Variants in KCMF1 observed in about 807,000 individuals in gnomAD.
KCMF1 encodes E3 ubiquitin-protein ligase KCMF1.
A neutral mutation model predicts 41.1 loss-of-function variants in KCMF1; 3 were observed. That is an observed-to-expected ratio of 0.07 (90% CI 0.03 to 0.19). KCMF1 has a LOEUF of 0.19. Ranked by LOEUF, KCMF1 falls within the 10% of genes least tolerant of loss-of-function variation. The pLI is 1.00. For missense variants in KCMF1, 286 were observed against 488.9 expected (o/e 0.58, Z 3.91); for synonymous variants, 142 against 164.5 (o/e 0.86, Z 1.04).
At chr2:85,021,134 T>C (rs1328086241) in intron 1 of KCMF1, among the ~76,000 whole-genome samples, 7 of 152,196 alleles carry the variant, frequency 4.6e-5, no homozygotes, top group Non-Finnish European at 2.9e-5. Context: ...CTAAAACATA[T>C]TACATATTAG....
chr2:85,049,839 T>C (rs1675766076), intron 6 of KCMF1, among the ~76,000 whole-genome samples, 191 bp downstream of exon 6: 1 of 152,164 alleles, frequency 6.6e-6, no homozygotes, highest in Non-Finnish European at 1.5e-5. Context: ...TTATTTTAGA[T>C]AAATTAAGAA....
chr2:85,030,118 T>G (rs1166736932), intron 2 of KCMF1, among the ~76,000 whole-genome samples: 3 of 152,216 alleles, frequency 2.0e-5, no homozygotes. Flanking sequence ...CATCTTTTCT[T>G]GTGCTTATGG....
chr2:84,977,780 A>G, intron 1 of KCMF1, among the ~76,000 whole-genome samples: 1 of 152,192 alleles, frequency 6.6e-6, no homozygotes, highest in Admixed American at 6.6e-5. Context: ...TAGAGAATAT[A>G]TAAGAATGTA....
intron 1 of KCMF1, among the ~76,000 whole-genome samples, chr2:84,973,286 G>T (rs569572009): frequency 6.6e-6 from 1 of 152,290 alleles, no homozygotes; most frequent in African/African-American, 2.4e-5. Context: ...CACCCCCAGT[G>T]CTCTGTTAGA....
At chr2:85,042,023 T>C (rs955863461) in intron 3 of KCMF1, among the ~76,000 whole-genome samples, 1 of 152,240 alleles carries the variant, frequency 6.6e-6, no homozygotes, top group African/African-American at 2.4e-5. Context: ...GCTACTTTTC[T>C]GACAGAGGAA....
At chr2:85,039,760 C>A (rs1675481260) in intron 3 of KCMF1, among the ~76,000 whole-genome samples, 1 of 152,028 alleles carries the variant, frequency 6.6e-6, no homozygotes, top group Non-Finnish European at 1.5e-5. Flanking sequence ...GAAACTCGAG[C>A]AACAGCAGAG....
At chr2:85,049,702 A>G (rs1189688130) in intron 6 of KCMF1, 54 bp downstream of exon 6, 14 of 1,376,884 alleles carry the variant, frequency 1.0e-5, no homozygotes, top group Middle Eastern at 1.8e-4. Context: ...TATTGCCACT[A>G]CAGTCTGGAA....
chr2:85,021,603 CAG>C (rs1259470799), intron 1 of KCMF1, among the ~76,000 whole-genome samples: 3 of 150,016 alleles, frequency 2.0e-5, no homozygotes, highest in African/African-American at 7.4e-5. Context: ...GCCTGGGCAA[CAG>C]AGCGAGACTG....
At chr2:85,011,672 G>T (rs1404122307) in intron 1 of KCMF1, among the ~76,000 whole-genome samples, 1 of 152,170 alleles carries the variant, frequency 6.6e-6, no homozygotes, top group Non-Finnish European at 1.5e-5. Flanking sequence ...CTGCCAGAAA[G>T]ATGCTGACCT....
chr2:84,987,218 A>G lies in KCMF1; in HGVS notation c.16+15751A>G, dbSNP rs117867169. Among the ~76,000 whole-genome samples, 138 of 152,370 alleles carry G rather than the reference A, an allele frequency of 9.1e-4. 3 individuals are homozygous for G. In the East Asian group the frequency reaches 0.026, roughly 29 times the overall value. ...GGTCAGTCTTGTTCTTTTCCCATACAGATTGTGGGACAGAGGAAGGAGTAG... is the reference window on the plus strand; with the variant it reads ...GGTCAGTCTTGTTCTTTTCCCATACGGATTGTGGGACAGAGGAAGGAGTAG... On this transcript the variant is annotated intron_variant, in intron 1 of 6. Transcript: ENST00000409785.
At chr2:85,036,950 C>T (rs368077951) in intron 3 of KCMF1, among the ~76,000 whole-genome samples, 13 of 151,710 alleles carry the variant, frequency 8.6e-5, no homozygotes, top group African/African-American at 3.1e-4. Context: ...CAAGGCAACT[C>T]CTCAGTTTTC....
chr2:84,989,800 G>T, intron 1 of KCMF1, among the ~76,000 whole-genome samples: 1 of 152,196 alleles, frequency 6.6e-6, no homozygotes, highest in East Asian at 1.9e-4. Context: ...GTTTTGGCAT[G>T]TTAGGTTTGA....
intron 6 of KCMF1, among the ~76,000 whole-genome samples, chr2:85,050,986 G>T (rs944535211): frequency 4.6e-5 from 7 of 152,164 alleles, no homozygotes; most frequent in African/African-American, 1.4e-4. Flanking sequence ...TATCCCAGAA[G>T]TTTTGCCTTT....
At chr2:85,003,757 C>G (rs1255767869) in intron 1 of KCMF1, among the ~76,000 whole-genome samples, 1 of 151,962 alleles carries the variant, frequency 6.6e-6, no homozygotes, top group Non-Finnish European at 1.5e-5. Flanking sequence ...TTCTAAGTCA[C>G]TAATAAAAAC....
At chr2:84,983,708 A>T (rs947724505) in intron 1 of KCMF1, among the ~76,000 whole-genome samples, 24 of 152,108 alleles carry the variant, frequency 1.6e-4, no homozygotes, top group Admixed American at 3.3e-4. Flanking sequence ...ATGGGGTTTC[A>T]CTGTGTTGGC....
rs1453004282 is a variant in KCMF1, at chr2:85,054,211, A to G, written c.*802A>G. 2 of 152,126 alleles carry G rather than the reference A, an allele frequency of 1.3e-5. No individual in the cohort carries two copies. Among genetic ancestry groups the G allele is most frequent in the Admixed American group, 6.6e-5 (1 of 15,266 alleles). The allele number at this position is 152,126 out of a possible 1,614,324, so 9.4% of individuals were successfully genotyped here. On this transcript the variant is annotated 3_prime_UTR_variant, in exon 7 of 7. Transcript: ENST00000409785. Reference sequence around the variant, plus strand: ...TTTTTACTTTTTGTGGTTGTTTAAAATTTTTTCAATTGTTAAATATGTTTT... The same window carrying G: ...TTTTTACTTTTTGTGGTTGTTTAAAGTTTTTTCAATTGTTAAATATGTTTT...
chr2:85,013,363 TACATGTGCAG>T (rs1204633441), intron 1 of KCMF1, among the ~76,000 whole-genome samples: 1 of 152,118 alleles, frequency 6.6e-6, no homozygotes. Flanking sequence ...CTATCACAAA[TACATGTGCAG>T]ACATTTCTAG....
At chr2:84,974,015 A>G (rs1673467594) in intron 1 of KCMF1, among the ~76,000 whole-genome samples, 1 of 150,826 alleles carries the variant, frequency 6.6e-6, no homozygotes, top group South Asian at 2.1e-4. Context: ...TTTAGTAGAG[A>G]TCGGGTTTCA....
intron 2 of KCMF1, among the ~76,000 whole-genome samples, chr2:85,030,174 A>G (rs1181495357): frequency 6.6e-6 from 1 of 152,074 alleles, no homozygotes; most frequent in African/African-American, 2.4e-5. Context: ...TCCTTTGCCC[A>G]TTTTTTAATT....
Sources: allele counts gnomAD v4.1 joint callset (sites outside exome capture counted in the v4.1 genomes callset), GRCh38; gene constraint gnomAD v4.1.1; transcripts MANE v1.5; gene names NCBI Gene and HGNC (gene_info 2026-07-23, HGNC 2026-07-21).